UNC79: variants seen among roughly 807,000 people sequenced by gnomAD.
UNC79 encodes the protein unc-79 subunit of NALCN channel complex.
Under a neutral mutation model 283.1 loss-of-function variants are expected in UNC79, and 37 were observed. The ratio of observed to expected loss-of-function variants is 0.13; its 90% CI spans 0.10 to 0.17. The LOEUF is 0.17. UNC79 is among the 10% of genes least tolerant of loss of function. The pLI is 1.00. For missense variants in UNC79, 2,272 were observed against 3,211.1 expected, an observed-to-expected ratio of 0.71 and a Z score of 7.07; for synonymous variants, 1,107 against 1,200.2, an observed-to-expected ratio of 0.92 and a Z score of 1.61.
intron 14 of UNC79, 54 bp from the exon 15 acceptor site, chr14:93,571,840 A>G: frequency 6.2e-7 from 1 of 1,601,444 alleles, no homozygotes; most frequent in South Asian, 1.1e-5. Context: ...CTTGAGTATA[A>G]TTGTAACCAG....
intron 11 of UNC79, 117 bp from the exon 12 acceptor site, chr14:93,537,872 G>C: frequency 2.1e-6 from 2 of 948,818 alleles, no homozygotes; most frequent in Non-Finnish European, 3.1e-6. Flanking sequence ...TTGGAAACTA[G>C]TGGCCCTTGA....
intron 14 of UNC79, among the ~76,000 whole-genome samples, chr14:93,564,332 A>G (rs549142365): frequency 8.0e-4 from 122 of 152,348 alleles, no homozygotes; most frequent in Non-Finnish European, 8.8e-5. Flanking sequence ...GTATCCAACC[A>G]TGCCTAGGAA....
rs931577882 is a variant in UNC79 at position 93,371,622 on chromosome 14, C to T, written c.-351+38099C>T. The stretch of plus-strand genomic sequence containing the variant: ...TTGGGAGGCCGAGGCGGGTGGATCA[C>T]GAGGTCAGGAGATCGAGACCATCCT... On this transcript the variant is annotated intron_variant, in intron 1 of 49. Transcript: ENST00000256339. 5.3e-5 allele frequency among the ~76,000 whole-genome samples: 8 copies of T among 152,106 alleles called. No individual in the cohort carries two copies. In the East Asian group the frequency reaches 5.8e-4, roughly 11 times the overall value.
intron 2 of UNC79, among the ~76,000 whole-genome samples, chr14:93,473,175 G>A (rs770637619): frequency 2.0e-5 from 3 of 151,778 alleles, no homozygotes; most frequent in South Asian, 2.1e-4. Flanking sequence ...GAATAATAAC[G>A]TAAGTAGCAG....
At chr14:93,609,226 C>T (rs995513523) in intron 26 of UNC79, among the ~76,000 whole-genome samples, 1 of 152,078 alleles carries the variant, frequency 6.6e-6, no homozygotes, top group African/African-American at 2.4e-5. Flanking sequence ...GGGTAGAGAA[C>T]CACCTTGCAA....
At chr14:93,515,533 C>A in intron 7 of UNC79, among the ~76,000 whole-genome samples, 1 of 151,978 alleles carries the variant, frequency 6.6e-6, no homozygotes, top group East Asian at 1.9e-4. Context: ...ATGATGGATT[C>A]CTTCAGAGAG....
chr14:93,397,577 T>C (rs969402943), intron 1 of UNC79, among the ~76,000 whole-genome samples: 1 of 152,166 alleles, frequency 6.6e-6, no homozygotes, highest in African/African-American at 2.4e-5. Flanking sequence ...CTGGGCCCTA[T>C]GGTTCCTGCC....
intron 4 of UNC79, among the ~76,000 whole-genome samples, chr14:93,479,423 A>G (rs987332979): frequency 2.0e-5 from 3 of 151,966 alleles, no homozygotes; most frequent in African/African-American, 7.3e-5. Flanking sequence ...TCAGCCTCCC[A>G]AATAGCTGGG....
At chr14:93,652,297 C>G (rs2070372181) in intron 35 of UNC79, among the ~76,000 whole-genome samples, 1 of 151,944 alleles carries the variant, frequency 6.6e-6, no homozygotes, top group South Asian at 2.1e-4. Flanking sequence ...GGGTCTTGCT[C>G]TATCACCCAG....
rs1567095764 is a variant in UNC79 at position 93,550,535 on chromosome 14, A to AAG, written c.1755+7840_1755+7841insGA. Among the ~76,000 whole-genome samples, 6 of 146,908 alleles carry AAG rather than the reference A, an allele frequency of 4.1e-5. 1 individual carries two copies. The highest frequency in any genetic ancestry group is 7.0e-5 in the Admixed American group (1 of 14,386). On this transcript the variant is annotated intron_variant, in intron 14 of 48. Transcript: ENST00000555664. ...GTATCAAAAAAAAAAAAAAAAAAAA[A>AAG]AAAAAAGAGGAAGGAGTCTTCCCTG... is the stretch of plus-strand genomic sequence containing the variant.
chr14:93,487,847 GTCA>G lies in UNC79; in HGVS notation c.712+100_712+102del, dbSNP rs966652255. The G allele has an allele frequency of 1.2e-4, 136 of 1,174,950 alleles. No individual in the cohort carries two copies. The African/African-American group carries it at 2.0e-3, about 17-fold the overall frequency. 72.8% of individuals were successfully genotyped at this position (1,174,950 alleles called of 1,614,324 possible). On this transcript the variant is annotated intron_variant, in intron 5 of 48. Coordinates refer to ENST00000555664, the Ensembl canonical transcript of UNC79. ...AGGCTAGATGTTCTCATGTGAGAAC[GTCA>G]TCATCATAGAGATGTGTAGAAAACA... is the stretch of plus-strand genomic sequence containing the variant.
intron 19 of UNC79, among the ~76,000 whole-genome samples, chr14:93,581,835 C>CT (rs2141765119): frequency 6.6e-6 from 1 of 152,226 alleles, no homozygotes. Flanking sequence ...ATTATTCCTT[C>CT]CTAATCAAGT....
In UNC79 at chr14:93,621,057, C is replaced by G. The variant is rs774769746; in HGVS notation, c.4388-564C>G. On this transcript the variant is annotated intron_variant, in intron 29 of 48. Coordinates refer to ENST00000555664, the Ensembl canonical transcript of UNC79. The surrounding 1 kb of genome is among the most constrained non-coding windows in gnomAD (Gnocchi z 4.8). ...GTTCAGAGAAGTATGAATTTTTTCTCTTAGTAATTTTATGCAGAAATGTTG... is the reference window on the plus strand; with the variant it reads ...GTTCAGAGAAGTATGAATTTTTTCTGTTAGTAATTTTATGCAGAAATGTTG... The G allele has an allele frequency of 2.0e-6, 1 of 502,494 alleles. No individual in the cohort carries two copies. 31.1% of individuals were successfully genotyped at this position (502,494 alleles called of 1,614,324 possible).
chr14:93,686,519 T>C (rs373166841), intron 42 of UNC79, 53 bp from the exon 46 acceptor site: 441 of 1,588,380 alleles, frequency 2.8e-4, no homozygotes, highest in Non-Finnish European at 3.5e-4. Context: ...GAGGCAATCA[T>C]TGGAGTCAGG....
chr14:93,660,145 A>G (rs367919952), intron 39 of UNC79, among the ~76,000 whole-genome samples: 4 of 152,182 alleles, frequency 2.6e-5, no homozygotes, highest in African/African-American at 9.7e-5. Flanking sequence ...GCTTGTAATT[A>G]CTATTTAATA....
chr14:93,589,137 G>C (rs941072932), intron 22 of UNC79, among the ~76,000 whole-genome samples: 2 of 152,124 alleles, frequency 1.3e-5, no homozygotes, highest in Non-Finnish European at 2.9e-5. Flanking sequence ...TTAGGGTTCG[G>C]CTGAGGTTAG....
At chr14:93,575,389 G>C (rs1595916087) in intron 17 of UNC79, among the ~76,000 whole-genome samples, 191 bp downstream of exon 17, 1 of 152,106 alleles carries the variant, frequency 6.6e-6, no homozygotes, top group Non-Finnish European at 1.5e-5. Flanking sequence ...AAGTTATTGA[G>C]TTTTCATTTT....
intron 47 of UNC79, among the ~76,000 whole-genome samples, chr14:93,694,824 C>T (rs72692957): frequency 0.03 from 4,625 of 152,172 alleles, 114 homozygotes; most frequent in Non-Finnish European, 0.047. Flanking sequence ...GTGAAAATTA[C>T]GCTATTCTAA....
rs1000234305 is a variant in UNC79, at chr14:93,617,849, C to G, written c.4225-343C>G. On this transcript the variant is annotated intron_variant, in intron 28 of 48. Transcript: ENST00000555664. This position sits in a 1 kb window ranked among gnomAD's most constrained non-coding sequence, Gnocchi z 4.5. ...CCTGACTCCGGGAGTTCGAGCCCAG[C>G]CTGAGCAACATGGTGAAATCCCATC... Among the ~76,000 whole-genome samples the G allele has an allele frequency of 1.3e-5, 2 of 152,006 alleles. No individual in the cohort carries two copies. Among genetic ancestry groups the G allele is most frequent in the African/African-American group, 2.4e-5 (1 of 41,372 alleles).
Sources: gnomAD v4.1 joint callset for allele counts (sites outside exome capture counted in the v4.1 genomes callset) on GRCh38, gnomAD v4.1.1 for gene constraint, Gnocchi (gnomAD v3.1) non-coding constraint, MANE v1.5 for transcripts, NCBI Gene and HGNC (gene_info 2026-07-23, HGNC 2026-07-21) for gene names.